NRG4: variants seen among roughly 807,000 people sequenced by gnomAD.
NRG4 encodes the protein neuregulin 4.
In NRG4, 10 loss-of-function variants were observed where a neutral mutation model predicts 15.0. That is an observed-to-expected ratio of 0.67 (90% CI 0.41 to 1.13). The LOEUF is 1.13. Among genes scored for constraint, NRG4 ranks in the 50% most tolerant of loss-of-function variants. The pLI is 0.00. For missense variants in NRG4, 139 were observed against 140.2 expected, an observed-to-expected ratio of 0.99 and a Z score of 0.04; for synonymous variants, 41 against 50.1, an observed-to-expected ratio of 0.82 and a Z score of 0.77.
chr15:75,942,535 ACTCTGT>A lies in NRG4; in HGVS notation c.*1097_*1102del, dbSNP rs1339624709. ...TATGTGAGAGCTTTTCATTTTGTGT[ACTCTGT>A]CTCAATGTCTTACCCTCATGTGTTT... On this transcript the variant is annotated 3_prime_UTR_variant, in exon 6 of 6. Coordinates refer to ENST00000394907, the MANE Select transcript of NRG4 (RefSeq NM_138573.4). The A allele has an allele frequency of 6.6e-6, 1 of 152,068 alleles. No individual in the cohort carries two copies. The highest frequency in any genetic ancestry group is 2.4e-5 in the African/African-American group (1 of 41,392). 9.4% of individuals were successfully genotyped at this position (152,068 alleles called of 1,614,324 possible). A position where few individuals can be genotyped will look rare whatever the true frequency, so the allele number is the denominator to read the frequency against.
chr15:75,980,830 T>C (rs1319270047), intron 3 of NRG4, among the ~76,000 whole-genome samples: 1 of 146,848 alleles, frequency 6.8e-6, no homozygotes, highest in Admixed American at 6.7e-5. Context: ...ATTAGCTCTG[T>C]AAGAAAAAAA....
At chr15:75,974,100 G>T (rs2033246057) in intron 3 of NRG4, among the ~76,000 whole-genome samples, 1 of 152,104 alleles carries the variant, frequency 6.6e-6, no homozygotes, top group Non-Finnish European at 1.5e-5. Flanking sequence ...TGTTGGGAGG[G>T]GGTATGTGTT....
At chr15:75,951,342 A>G (rs2031893287) in intron 5 of NRG4, among the ~76,000 whole-genome samples, 1 of 150,820 alleles carries the variant, frequency 6.6e-6, no homozygotes, top group African/African-American at 2.4e-5. Flanking sequence ...TAGTTTTTGT[A>G]TTTTTAGTAG....
chr15:75,995,204 A>AG (rs1437111468), intron 3 of NRG4, among the ~76,000 whole-genome samples: 6 of 151,932 alleles, frequency 3.9e-5, no homozygotes, highest in African/African-American at 1.5e-4. Flanking sequence ...TCTCAAAAAA[A>AG]AAAAGAAAGA....
At chr15:76,024,361 C>T (rs1207807034) in intron 5 of NRG4, among the ~76,000 whole-genome samples, 1 of 152,190 alleles carries the variant, frequency 6.6e-6, no homozygotes, top group Non-Finnish European at 1.5e-5. Flanking sequence ...CCACCCACGT[C>T]CTAGGCCAGA....
At chr15:75,956,918 CTTTTT>C (rs1330325964) in intron 4 of NRG4, among the ~76,000 whole-genome samples, 1 of 152,090 alleles carries the variant, frequency 6.6e-6, no homozygotes, top group African/African-American at 2.4e-5. Flanking sequence ...TTTTAGCTTT[CTTTTT>C]TATTTATTTT....
At chr15:76,022,287 T>C (rs74024064) in intron 5 of NRG4, among the ~76,000 whole-genome samples, 5,629 of 152,302 alleles carry the variant, frequency 0.037, 181 homozygotes, top group African/African-American at 0.085. Context: ...TCTTGCTGGA[T>C]GAGGAATGCC....
intron 3 of NRG4, among the ~76,000 whole-genome samples, chr15:75,971,426 A>G (rs1233849444): frequency 6.6e-6 from 1 of 152,186 alleles, no homozygotes; most frequent in Non-Finnish European, 1.5e-5. Flanking sequence ...ACTGGGAAGG[A>G]GAACACCTCT....
chr15:76,047,968 C>T (rs2035912479), intron 4 of NRG4, among the ~76,000 whole-genome samples: 1 of 150,386 alleles, frequency 6.6e-6, no homozygotes, highest in Non-Finnish European at 1.5e-5. Flanking sequence ...CCAGCCTGGG[C>T]AACATAGTGA....
chr15:76,036,313 T>A (rs1018807880), intron 4 of NRG4, among the ~76,000 whole-genome samples: 1 of 152,220 alleles, frequency 6.6e-6, no homozygotes, highest in Non-Finnish European at 1.5e-5. Flanking sequence ...GTTTAAGCAA[T>A]AAATTTTTAT....
At position 76,052,511 on chromosome 15, in the gene NRG4, A is replaced by G. The variant is rs1014278216; in HGVS notation, c.-215-334T>C. On this transcript the variant is annotated intron_variant, in intron 3 of 8. Transcript: ENST00000563910. Reference sequence around the variant, plus strand: ...CTATGCAAACAGGGATTTTGTAAGGACAAGGAATTACATTTCTTTTATTAT... The same window carrying G: ...CTATGCAAACAGGGATTTTGTAAGGGCAAGGAATTACATTTCTTTTATTAT... 4.0e-5 allele frequency among the ~76,000 whole-genome samples: 6 copies of G among 151,122 alleles called. 2 individuals are homozygous for G. The highest frequency in any genetic ancestry group is 1.5e-4 in the African/African-American group (6 of 40,598).
Position 76,009,187 on chromosome 15 carries a change from C to T in NRG4, c.104+13G>A, listed in dbSNP as rs1469246554. ...AATAAAGTTAACATCTCCCCCTAGTCCATTTCACTCACCTACAAAATGGGC... is the reference window on the plus strand; with the variant it reads ...AATAAAGTTAACATCTCCCCCTAGTTCATTTCACTCACCTACAAAATGGGC... On this transcript the variant is annotated intron_variant, in intron 3 of 5. Coordinates refer to ENST00000394907, the MANE Select transcript of NRG4 (RefSeq NM_138573.4). The T allele has an allele frequency of 7.8e-7, 1 of 1,276,642 alleles. No individual in the cohort carries two copies. Among genetic ancestry groups the T allele is most frequent in the African/African-American group, 1.5e-5 (1 of 68,634 alleles). 79.1% of individuals were successfully genotyped at this position (1,276,642 alleles called of 1,614,324 possible).
chr15:76,044,039 G>A (rs1445756626), intron 4 of NRG4, among the ~76,000 whole-genome samples: 2 of 152,136 alleles, frequency 1.3e-5, no homozygotes, highest in African/African-American at 2.4e-5. Context: ...CGCCCAGGCG[G>A]GACTGCGGAC....
intron 4 of NRG4, among the ~76,000 whole-genome samples, chr15:76,041,296 T>A (rs2035732600): frequency 1.3e-5 from 2 of 151,136 alleles, no homozygotes; most frequent in African/African-American, 4.9e-5. Context: ...ACGGCAAGAG[T>A]AAGTCCTTGC....
At chr15:75,953,936 C>T (rs2032066595) in intron 5 of NRG4, among the ~76,000 whole-genome samples, 2 of 152,168 alleles carry the variant, frequency 1.3e-5, no homozygotes, top group South Asian at 4.1e-4. Flanking sequence ...ATCCTCCTGC[C>T]TCAGCCTCCC....
At chr15:75,946,559 T>C (rs866986363) in intron 5 of NRG4, among the ~76,000 whole-genome samples, 2 of 152,088 alleles carry the variant, frequency 1.3e-5, no homozygotes, top group Middle Eastern at 3.4e-3. Flanking sequence ...CGGGGTTTCA[T>C]CATGTTAGCC....
chr15:75,951,994 T>C lies in NRG4; in HGVS notation c.331+3938A>G, dbSNP rs561959958. Among the ~76,000 whole-genome samples the C allele has an allele frequency of 1.2e-4, 18 of 152,336 alleles. No individual in the cohort carries two copies. The South Asian group carries it at 3.7e-3, about 32-fold the overall frequency. On this transcript the variant is annotated intron_variant, in intron 5 of 5. Coordinates refer to ENST00000394907, the MANE Select transcript of NRG4 (RefSeq NM_138573.4). ...ATTTACTTTAGTGAGGTTCTGGTGA[T>C]GATAAATTCTTTCAACTGTCATATG... is the stretch of plus-strand genomic sequence containing the variant.
chr15:75,991,946 C>T (rs544864063), intron 3 of NRG4, among the ~76,000 whole-genome samples: 1 of 152,050 alleles, frequency 6.6e-6, no homozygotes, highest in Non-Finnish European at 1.5e-5. Flanking sequence ...TTTTCTGAAC[C>T]TTCCTTTTCT....
Position 76,011,976 on chromosome 15 carries a change from G to C in NRG4, c.-57+343C>G, listed in dbSNP as rs182021510. 4.6e-5 allele frequency: 7 copies of C among 152,132 alleles called. No homozygotes were observed. The East Asian group carries it at 1.4e-3, about 29-fold the overall frequency. The allele number at this position is 152,132 out of a possible 1,614,324, so 9.4% of individuals were successfully genotyped here. A position where few individuals can be genotyped will look rare whatever the true frequency, so the allele number is the denominator to read the frequency against. On this transcript the variant is annotated intron_variant, in intron 1 of 5. Transcript: ENST00000394907. Reference sequence around the variant, plus strand: ...GTTTCCTGCTATAACAGAAACAAAAGAATTCAAACATATATTTGAAGAGGT... The same window carrying C: ...GTTTCCTGCTATAACAGAAACAAAACAATTCAAACATATATTTGAAGAGGT...
Sources: allele counts gnomAD v4.1 joint callset (sites outside exome capture counted in the v4.1 genomes callset), GRCh38; gene constraint gnomAD v4.1.1; transcripts MANE v1.5; gene names NCBI Gene and HGNC (gene_info 2026-07-23, HGNC 2026-07-21).